Variants in PROX1 observed in about 807,000 individuals in gnomAD.
PROX1 encodes the protein prospero homeobox 1, also known as prospero homeobox protein 1.
PROX1 carries 7 observed loss-of-function variants against 58.8 expected under a neutral mutation model. The ratio of observed to expected loss-of-function variants is 0.12; its 90% CI spans 0.07 to 0.22. The LOEUF (loss-of-function observed/expected upper bound fraction) is 0.22, where lower values mean the gene tolerates loss of function less well. PROX1 is among the 10% of genes least tolerant of loss of function. PROX1 has a pLI of 1.00. For synonymous variants in PROX1, 350 were observed against 358.3 expected (o/e 0.98, Z 0.26); for missense variants, 675 against 927.8 (o/e 0.73, Z 3.54).
At chr1:214,023,324 C>A (rs986307233) in intron 4 of PROX1, among the ~76,000 whole-genome samples, 8 of 151,986 alleles carry the variant, frequency 5.3e-5, no homozygotes, top group Admixed American at 5.2e-4. Context: ...TCTTTCAGAG[C>A]AGAATTGGCT....
chr1:213,990,529 A>G (rs565901826), intron 1 of PROX1, among the ~76,000 whole-genome samples: 2 of 152,208 alleles, frequency 1.3e-5, no homozygotes, highest in African/African-American at 4.8e-5. Context: ...TCTGTCTGCC[A>G]GTCAGCCCAA....
rs71165943 is a variant in PROX1 at position 213,990,630 on chromosome 1, C to CAG, written c.-68+2169_-68+2170dup. 3.8e-3 allele frequency among the ~76,000 whole-genome samples: 525 copies of CAG among 139,672 alleles called. 3 individuals are homozygous for CAG. The highest frequency in any genetic ancestry group is 0.012 in the African/African-American group (444 of 36,852). The allele number at this position is 139,672 out of a possible 152,430, so 91.6% of individuals were successfully genotyped here. On this transcript the variant is annotated intron_variant, in intron 1 of 4. Coordinates refer to ENST00000366958, the MANE Select transcript of PROX1 (RefSeq NM_001270616.2). ...GCCTATCTCCCAGGTCTGTGCTTGGCAGAGAGAGAGAGAGAGAGAGAGAAC... is the reference window on the plus strand; with the variant it reads ...GCCTATCTCCCAGGTCTGTGCTTGGCAGAGAGAGAGAGAGAGAGAGAGAGAAC...
chr1:214,017,244 A>G (rs1317366839), intron 4 of PROX1, among the ~76,000 whole-genome samples: 2 of 152,044 alleles, frequency 1.3e-5, no homozygotes. Context: ...CTCTTCTGTC[A>G]AGCTTCCCTA....
chr1:214,012,238 A>G (rs1165057895), intron 4 of PROX1, among the ~76,000 whole-genome samples: 10 of 152,220 alleles, frequency 6.6e-5, no homozygotes, highest in Admixed American at 3.9e-4. Context: ...AGTACATAGC[A>G]TAAGAGATCC....
chr1:214,022,535 T>A (rs1664317015), intron 4 of PROX1, among the ~76,000 whole-genome samples: 1 of 152,166 alleles, frequency 6.6e-6, no homozygotes, highest in South Asian at 2.1e-4. Flanking sequence ...AGAGCAAGTG[T>A]TCCTGCTCTG....
At chr1:214,014,135 G>A (rs1196789814) in intron 4 of PROX1, among the ~76,000 whole-genome samples, 1 of 152,170 alleles carries the variant, frequency 6.6e-6, no homozygotes, top group Non-Finnish European at 1.5e-5. Context: ...GCTTAAGTGA[G>A]ATGCTTAAAA....
intron 1 of PROX1, chr1:213,989,851 C>G (rs1662958778): frequency 1.3e-5 from 2 of 152,322 alleles, no homozygotes; most frequent in African/African-American, 4.8e-5. Flanking sequence ...GAGAGCCCTC[C>G]AGGCAGACAG....
At chr1:214,029,843 T>C (rs1326552303) in intron 4 of PROX1, 4 of 152,284 alleles carry the variant, frequency 2.6e-5, no homozygotes, top group Non-Finnish European at 4.4e-5. Context: ...TATTTGATTT[T>C]GTGAATCGGA....
rs566855669 is a variant in PROX1 at position 213,989,120 on chromosome 1, A to T, written c.-68+637A>T. ...CTTTCACTTCTCCTTTTTTAACCCC[A>T]GCAGAGGACCGGGAACTGGGAGGAG... On this transcript the variant is annotated intron_variant, in intron 1 of 4. Coordinates refer to ENST00000366958, the MANE Select transcript of PROX1 (RefSeq NM_001270616.2). Among the ~76,000 whole-genome samples, 11 of 152,044 alleles carry T rather than the reference A, an allele frequency of 7.2e-5. No homozygotes were observed. The East Asian group carries it at 2.1e-3, about 30-fold the overall frequency.
chr1:214,003,836 G>GT, intron 2 of PROX1, among the ~76,000 whole-genome samples: 1 of 152,236 alleles, frequency 6.6e-6, no homozygotes, highest in South Asian at 2.1e-4. Context: ...TAACTTTCTG[G>GT]TTTCCCTCCA....
In PROX1 at chr1:213,996,720, C is replaced by G; in HGVS notation, c.185C>G (p.Ala62Gly). 6.2e-7 allele frequency: 1 copy of G among 1,614,172 alleles called. No individual in the cohort carries two copies. The highest frequency in any genetic ancestry group is 8.5e-7 in the Non-Finnish European group (1 of 1,180,032). The part of the protein sequence containing the change: ...QDVEYSVVQH[A>G]DGEKSNVLRK... ...GTTGAGTATTCAGTGGTGCAGCATG[C>G]AGATGGGGAAAAGTCAAATGTACTC... The change falls in exon 2 of 5, where the codon GCA (alanine) becomes GGA (glycine). Residue 62 changes from alanine to glycine, a missense_variant. This residue lies in a region of PROX1 where 157 missense variants were observed against 197.8 expected (regional missense o/e 0.79). Transcript: ENST00000366958.
chr1:214,031,318 G>A (rs373179537), intron 4 of PROX1, among the ~76,000 whole-genome samples: 46 of 152,118 alleles, frequency 3.0e-4, no homozygotes, highest in South Asian at 8.3e-4. Context: ...CTGGGGTGAC[G>A]TTCCTATATT....
intron 3 of PROX1, among the ~76,000 whole-genome samples, chr1:214,007,985 A>G (rs1195823309): frequency 5.3e-5 from 8 of 152,218 alleles, no homozygotes; most frequent in Non-Finnish European, 8.8e-5. Context: ...GGTCATGGCC[A>G]CATTCATCTA....
At chr1:214,019,239 C>A (rs2102748924) in intron 4 of PROX1, among the ~76,000 whole-genome samples, 1 of 152,136 alleles carries the variant, frequency 6.6e-6, no homozygotes, top group African/African-American at 2.4e-5. Flanking sequence ...TTTTGCCCCC[C>A]CACCCCAAAA....
intron 4 of PROX1, among the ~76,000 whole-genome samples, chr1:214,022,022 ATGT>A (rs1664296609): frequency 6.6e-6 from 1 of 152,214 alleles, no homozygotes; most frequent in Non-Finnish European, 1.5e-5. Flanking sequence ...AGGCAATGAA[ATGT>A]TCACCTGCAA....
At chr1:214,013,570 G>T (rs1370455165) in intron 4 of PROX1, among the ~76,000 whole-genome samples, 1 of 3,982 alleles carries the variant, frequency 2.5e-4, no homozygotes, top group Non-Finnish European at 0.018. Flanking sequence ...TGCGCACGAG[G>T]GTTTTCGGGT....
At position 213,990,062 on chromosome 1, in the gene PROX1, G is replaced by A. The variant is rs1662968450; in HGVS notation, c.-68+1579G>A. Among the ~76,000 whole-genome samples the A allele has an allele frequency of 2.0e-5, 3 of 150,338 alleles. 1 individual carries two copies. The highest frequency in any genetic ancestry group is 1.3e-4 in the Admixed American group (2 of 15,070). On this transcript the variant is annotated intron_variant, in intron 1 of 4. Transcript: ENST00000366958. ...ATAAAAACAGAGGAAGCACAGGGTG[G>A]CCTCCTCGCAAAGTCAAGGCTAGAA...
chr1:214,015,533 GT>G (rs1361594948), intron 4 of PROX1, among the ~76,000 whole-genome samples: 1 of 152,006 alleles, frequency 6.6e-6, no homozygotes, highest in African/African-American at 2.4e-5. Flanking sequence ...CGCTTTTGTT[GT>G]TTTCCTCACA....
rs1266961118 is a variant in PROX1 at position 214,010,125 on chromosome 1, C to T, written c.1834-1396C>T. 4.6e-5 allele frequency among the ~76,000 whole-genome samples: 7 copies of T among 152,138 alleles called. No homozygotes were observed. In the East Asian group the frequency reaches 1.3e-3, roughly 29 times the overall value. On this transcript the variant is annotated intron_variant, in intron 3 of 4. Coordinates refer to ENST00000366958, the MANE Select transcript of PROX1 (RefSeq NM_001270616.2). ...AGGCTGAATAGAGACAGAGCAGACA[C>T]ACAGAGTGAAAATATAATTCTTGGA...
Sources: allele counts gnomAD v4.1 joint callset (sites outside exome capture counted in the v4.1 genomes callset), GRCh38; gene constraint gnomAD v4.1.1; regional missense constraint gnomAD v4.1.1; transcripts MANE v1.5; gene names NCBI Gene and HGNC (gene_info 2026-07-23, HGNC 2026-07-21).